SPAG17: variants seen among roughly 807,000 people sequenced by gnomAD.
The protein encoded by SPAG17 is sperm associated antigen 17, also known as sperm-associated antigen 17.
Under a neutral mutation model 273.6 loss-of-function variants are expected in SPAG17, and 169 were observed. The observed-to-expected ratio is 0.62, with a 90% CI of 0.55 to 0.70. The LOEUF (loss-of-function observed/expected upper bound fraction) is 0.70. Among genes scored for constraint, SPAG17 ranks in the 30% least tolerant of loss-of-function variants. SPAG17 has a pLI of 0.00. For synonymous variants in SPAG17, 825 were observed against 873.2 expected, an observed-to-expected ratio of 0.94 and a Z score of 0.97; for missense variants, 2,557 against 2,627.8, an observed-to-expected ratio of 0.97 and a Z score of 0.59.
intron 19 of SPAG17, among the ~76,000 whole-genome samples, chr1:118,054,959 A>C (rs1472384174): frequency 6.6e-6 from 1 of 152,118 alleles, no homozygotes; most frequent in African/African-American, 2.4e-5. Flanking sequence ...AATCCCTCTC[A>C]CTTTGGCTAT....
At chr1:118,046,548 T>C (rs1049574755) in intron 20 of SPAG17, among the ~76,000 whole-genome samples, 3 of 152,012 alleles carry the variant, frequency 2.0e-5, no homozygotes, top group Non-Finnish European at 4.4e-5. Flanking sequence ...TGAAATGATA[T>C]AACAAGTTAA....
In SPAG17 at chr1:117,990,916, A is replaced by G. The variant is rs1009517473; in HGVS notation, c.5476-10T>C. On this transcript the variant is annotated splice_polypyrimidine_tract_variant and intron_variant, in intron 37 of 48. Coordinates refer to ENST00000336338, the MANE Select transcript of SPAG17 (RefSeq NM_206996.4). The stretch of plus-strand genomic sequence containing the variant: ...CCATTTTAGGGAAAGACTGAAATGA[A>G]GATAGAATTACTTATGATGATTATA... The G allele has an allele frequency of 1.3e-6, 2 of 1,514,994 alleles. No individual in the cohort carries two copies. The highest frequency in any genetic ancestry group is 1.8e-6 in the Non-Finnish European group (2 of 1,106,026). The allele number at this position is 1,514,994 out of a possible 1,614,324, so 93.8% of individuals were successfully genotyped here.
At chr1:118,070,337 G>A (rs927559576) in intron 17 of SPAG17, among the ~76,000 whole-genome samples, 12 of 152,184 alleles carry the variant, frequency 7.9e-5, no homozygotes, top group Admixed American at 2.0e-4. Context: ...AGTCACCTCT[G>A]CAAGTGGGGT....
intron 34 of SPAG17, among the ~76,000 whole-genome samples, chr1:117,995,034 T>G (rs1440817726): frequency 6.6e-6 from 1 of 152,188 alleles, no homozygotes; most frequent in Non-Finnish European, 1.5e-5. Context: ...AACATTCTTT[T>G]GCCTCTACCT....
intron 44 of SPAG17, among the ~76,000 whole-genome samples, chr1:117,972,333 C>A (rs1446192003): frequency 1.3e-5 from 2 of 152,224 alleles, no homozygotes; most frequent in African/African-American, 4.8e-5. Context: ...AGTCTGTGCT[C>A]TTTCATCTGT....
At position 118,086,065 on chromosome 1, in the gene SPAG17, T is replaced by A. The variant is rs764526141; in HGVS notation, c.1619A>T (p.Lys540Met). 1.1e-5 allele frequency: 18 copies of A among 1,613,346 alleles called. No homozygotes were observed. Among genetic ancestry groups the A allele is most frequent in the Non-Finnish European group, 1.5e-5 (18 of 1,179,790 alleles). Residue 540 changes from lysine to methionine, a missense_variant, in exon 13 of 49, where the codon AAG becomes ATG. Lys to Met is a moderately conservative substitution (Grantham distance 95). Coordinates refer to ENST00000336338, the MANE Select transcript of SPAG17 (RefSeq NM_206996.4). ...CTCAATTTGAACTGGATCAAAATTC[T>A]TTTGGTCCTGATGAAAAAGAGCAAC... ...AHKKYALQDQ[K>M]NFDPVQIEQE...
At chr1:118,048,007 C>T (rs981845509) in intron 20 of SPAG17, among the ~76,000 whole-genome samples, 5 of 152,046 alleles carry the variant, frequency 3.3e-5, no homozygotes, top group Non-Finnish European at 7.4e-5. Flanking sequence ...GCTCTAGGGC[C>T]ACCTCTGCAG....
chr1:118,147,815 T>C (rs1198010327), intron 3 of SPAG17, among the ~76,000 whole-genome samples: 4 of 152,176 alleles, frequency 2.6e-5, no homozygotes, highest in Non-Finnish European at 5.9e-5. Flanking sequence ...GAGTCATTAT[T>C]GGAAATATGC....
intron 15 of SPAG17, among the ~76,000 whole-genome samples, chr1:118,078,490 G>A (rs1654285352): frequency 6.6e-6 from 1 of 151,908 alleles, no homozygotes; most frequent in South Asian, 2.1e-4. Context: ...ATTTTTTTGT[G>A]TATTGTTCTG....
At chr1:118,023,566 A>C in intron 27 of SPAG17, 103 bp from the exon 28 acceptor site, 1 of 1,147,414 alleles carries the variant, frequency 8.7e-7, no homozygotes, top group East Asian at 2.6e-5. Context: ...AATGATCCAC[A>C]GAAGAAATGC....
intron 24 of SPAG17, among the ~76,000 whole-genome samples, chr1:118,034,699 C>G (rs777522402): frequency 1.6e-4 from 25 of 152,088 alleles, no homozygotes; most frequent in Non-Finnish European, 3.2e-4. Context: ...ATTCAAGGAA[C>G]TGAAAGGCAC....
At chr1:118,089,226 C>A (rs1655209188) in intron 10 of SPAG17, among the ~76,000 whole-genome samples, 1 of 151,850 alleles carries the variant, frequency 6.6e-6, no homozygotes, top group Admixed American at 6.6e-5. Context: ...CTACTGGAGA[C>A]CCTCCAGAAA....
chr1:118,068,387 C>T (rs1424271324), intron 17 of SPAG17, among the ~76,000 whole-genome samples: 1 of 152,036 alleles, frequency 6.6e-6, no homozygotes, highest in East Asian at 1.9e-4. Context: ...TCATCTAGTA[C>T]TTACTGATGT....
intron 15 of SPAG17, among the ~76,000 whole-genome samples, chr1:118,076,951 G>A (rs1052165190): frequency 5.3e-5 from 8 of 151,976 alleles, no homozygotes; most frequent in South Asian, 2.1e-4. Flanking sequence ...TAAACCTCGC[G>A]GTTATCAACT....
At chr1:118,151,120 C>T (rs1381405899) in intron 2 of SPAG17, 109 bp downstream of exon 2, 6 of 961,018 alleles carry the variant, frequency 6.2e-6, no homozygotes, top group Non-Finnish European at 8.3e-6. Context: ...AATAATCCAT[C>T]AAAATTTACA....
At chr1:118,123,794 G>T (rs1161084247) in intron 3 of SPAG17, among the ~76,000 whole-genome samples, 17 of 152,268 alleles carry the variant, frequency 1.1e-4, no homozygotes, top group Non-Finnish European at 2.2e-4. Context: ...CATAAAAGTT[G>T]GTAACATAAT....
At position 118,101,649 on chromosome 1, in the gene SPAG17, C is replaced by G; in HGVS notation, c.634+91G>C. 5 of 1,288,472 alleles carry G rather than the reference C, an allele frequency of 3.9e-6. No homozygotes were observed. The East Asian group carries it at 1.2e-4, about 30-fold the overall frequency. The allele number at this position is 1,288,472 out of a possible 1,614,324, so 79.8% of individuals were successfully genotyped here. A position where few individuals can be genotyped will look rare whatever the true frequency, so the allele number is the denominator to read the frequency against. On this transcript the variant is annotated intron_variant, in intron 5 of 48. Transcript: ENST00000336338. ...GGAATTGGCGTCAGGAAACTATGCG[C>G]TCTATGTGAGTCACCAAATTAACTG...
chr1:118,012,480 T>G lies in SPAG17; in HGVS notation c.4288-108A>C. 3 of 1,282,034 alleles carry G rather than the reference T, an allele frequency of 2.3e-6. No individual in the cohort carries two copies. The East Asian group carries it at 7.3e-5, about 31-fold the overall frequency. 79.4% of individuals were successfully genotyped at this position (1,282,034 alleles called of 1,614,324 possible). A position where few individuals can be genotyped will look rare whatever the true frequency, so the allele number is the denominator to read the frequency against. The stretch of plus-strand genomic sequence containing the variant: ...ATGGCACCATCAAAGTCCTAGTTAT[T>G]TATTTATAGGCAAAGTTTTATCTCA... On this transcript the variant is annotated intron_variant, in intron 29 of 48. Coordinates refer to ENST00000336338, the MANE Select transcript of SPAG17 (RefSeq NM_206996.4).
rs372167664 is a variant in SPAG17, at chr1:118,097,832, C to T, written c.849G>A (p.Leu283=). Reference sequence around the variant, plus strand: ...GCTCTTTTATGGCATTTTCTTTCTTCAATTTTTCTGCTTCTAGATCTAATA... The same window carrying T: ...GCTCTTTTATGGCATTTTCTTTCTTTAATTTTTCTGCTTCTAGATCTAATA... ...LQSEDLEAEK[L]KKENAIKELK... Residue 283 remains leucine (L), a synonymous_variant, in exon 7 of 49, where the codon TTG becomes TTA. Transcript: ENST00000336338. 5.7e-6 allele frequency: 9 copies of T among 1,586,848 alleles called. No homozygotes were observed. In the African/African-American group the frequency reaches 1.1e-4, roughly 19 times the overall value.
Sources: gnomAD v4.1 joint callset for allele counts (sites outside exome capture counted in the v4.1 genomes callset) on GRCh38, gnomAD v4.1.1 for gene constraint, MANE v1.5 for transcripts, NCBI Gene and HGNC (gene_info 2026-07-23, HGNC 2026-07-21) for gene names.